Variants in CD58 observed in about 807,000 individuals in gnomAD.
CD58 encodes the protein lymphocyte function-associated antigen 3.
CD58 carries 14 observed loss-of-function variants against 27.6 expected under a neutral mutation model. The observed-to-expected ratio is 0.51, with a 90% CI of 0.34 to 0.79. The LOEUF (loss-of-function observed/expected upper bound fraction) is 0.79. Among genes scored for constraint, CD58 ranks in the 30% least tolerant of loss-of-function variants. The pLI, the probability that CD58 is intolerant of heterozygous loss-of-function variation, is 0.02. For missense variants in CD58, 268 were observed against 301.7 expected, an observed-to-expected ratio of 0.89 and a Z score of 0.83; for synonymous variants, 117 against 103.8, an observed-to-expected ratio of 1.13 and a Z score of -0.77.
At chr1:116,520,245 G>A (rs1276341601) in intron 4 of CD58, among the ~76,000 whole-genome samples, 1 of 152,086 alleles carries the variant, frequency 6.6e-6, no homozygotes, top group Non-Finnish European at 1.5e-5. Context: ...CTGAGTAGCT[G>A]GGACTACAGG....
chr1:116,562,971 G>C (rs1358201995), intron 1 of CD58, among the ~76,000 whole-genome samples: 1 of 152,098 alleles, frequency 6.6e-6, no homozygotes, highest in Non-Finnish European at 1.5e-5. Flanking sequence ...TAATCCAAAA[G>C]TCTAAATCCA....
intron 1 of CD58, among the ~76,000 whole-genome samples, chr1:116,566,093 C>G (rs1030074256): frequency 6.6e-6 from 1 of 152,140 alleles, no homozygotes; most frequent in Non-Finnish European, 1.5e-5. Context: ...GGAGTTATAT[C>G]TTGAAAAACT....
chr1:116,540,389 T>C (rs1374156660), intron 2 of CD58, among the ~76,000 whole-genome samples: 2 of 152,170 alleles, frequency 1.3e-5, no homozygotes, highest in Admixed American at 6.5e-5. Flanking sequence ...CATTTTATCA[T>C]GCAGATGTGA....
intron 3 of CD58, among the ~76,000 whole-genome samples, chr1:116,530,740 T>C (rs1301814739): frequency 6.6e-6 from 1 of 152,170 alleles, no homozygotes; most frequent in Non-Finnish European, 1.5e-5. Context: ...GTATCTATTA[T>C]GATGCATGTG....
At position 116,524,494 on chromosome 1, in the gene CD58, TA is replaced by T. The variant is rs1657369630; in HGVS notation, c.629-2512del. ...ATGCTGGCATTATGCTGAACCCTAT[TA>T]AGCTGCCAAGATTCAATGGTTTTTG... On this transcript the variant is annotated intron_variant, in intron 3 of 5. Transcript: ENST00000369489. The surrounding 1 kb of genome is among the most constrained non-coding windows in gnomAD (Gnocchi z 4.6). Among the ~76,000 whole-genome samples the T allele has an allele frequency of 6.6e-6, 1 of 152,234 alleles. No individual in the cohort carries two copies. Among genetic ancestry groups the T allele is most frequent in the Non-Finnish European group, 1.5e-5 (1 of 68,038 alleles).
Position 116,534,331 on chromosome 1 carries a change from T to C in CD58, c.628+1634A>G, listed in dbSNP as rs1221282161. On this transcript the variant is annotated intron_variant, in intron 3 of 5. Coordinates refer to ENST00000369489, the MANE Select transcript of CD58 (RefSeq NM_001779.3). This position sits in a 1 kb window ranked among gnomAD's most constrained non-coding sequence, Gnocchi z 5.3. ...ACCCCACAGATGCTCACGATGACCATCGCCCTACGGAAAAACTCAAATTCC... is the reference window on the plus strand; with the variant it reads ...ACCCCACAGATGCTCACGATGACCACCGCCCTACGGAAAAACTCAAATTCC... 6.6e-6 allele frequency among the ~76,000 whole-genome samples: 1 copy of C among 152,322 alleles called. No homozygotes were observed. The highest frequency in any genetic ancestry group is 1.9e-4 in the East Asian group (1 of 5,186).
intron 2 of CD58, among the ~76,000 whole-genome samples, chr1:116,543,959 G>A (rs1049886187): frequency 7.2e-5 from 11 of 152,106 alleles, no homozygotes; most frequent in African/African-American, 2.7e-4. Context: ...TGGTGCAGGA[G>A]GAAAAACAAT....
At chr1:116,525,782 G>A (rs1371723345) in intron 3 of CD58, among the ~76,000 whole-genome samples, 1 of 152,156 alleles carries the variant, frequency 6.6e-6, no homozygotes, top group Non-Finnish European at 1.5e-5. Flanking sequence ...GTTGCCTGTT[G>A]ACATAGGACA....
At position 116,518,923 on chromosome 1, in the gene CD58, C is replaced by T. The variant is rs1657170128; in HGVS notation, c.743+308G>A. ...ATCCCAGCCCATCACTTACTAGCAACGTGACTTTGATATCTCACTTGACTT... is the reference window on the plus strand; with the variant it reads ...ATCCCAGCCCATCACTTACTAGCAATGTGACTTTGATATCTCACTTGACTT... On this transcript the variant is annotated intron_variant, in intron 5 of 5. Transcript: ENST00000369489. The T allele has an allele frequency of 6.8e-6, 7 of 1,033,980 alleles. No homozygotes were observed. The South Asian group carries it at 7.2e-5, about 11-fold the overall frequency. The allele number at this position is 1,033,980 out of a possible 1,614,324, so 64.1% of individuals were successfully genotyped here.
chr1:116,518,760 T>C (rs1657163459), intron 5 of CD58: 2 of 996,216 alleles, frequency 2.0e-6, no homozygotes, highest in East Asian at 1.1e-4. Context: ...CTTTTATATG[T>C]GACTACAGGC....
rs1203584234 is a variant in CD58, at chr1:116,532,837, G to A, written c.628+3128C>T. On this transcript the variant is annotated intron_variant, in intron 3 of 5. Transcript: ENST00000369489. This position sits in a 1 kb window ranked among gnomAD's most constrained non-coding sequence, Gnocchi z 5.1. ...TTGAAAACGATTAGATGGAGTAAGC[G>A]CTGTCGACGGGATTGTGCCGCATGC... is the stretch of plus-strand genomic sequence containing the variant. 5 of 586,042 alleles carry A rather than the reference G, an allele frequency of 8.5e-6. No individual in the cohort carries two copies. Among genetic ancestry groups the A allele is most frequent in the Non-Finnish European group, 1.5e-5 (5 of 326,144 alleles). The allele number at this position is 586,042 out of a possible 1,614,324, so 36.3% of individuals were successfully genotyped here.
intron 1 of CD58, among the ~76,000 whole-genome samples, chr1:116,561,487 G>A (rs1485833506): frequency 1.3e-5 from 2 of 152,154 alleles, no homozygotes; most frequent in Admixed American, 1.3e-4. Flanking sequence ...TAATAAATAT[G>A]TCAATAAATT....
chr1:116,553,623 T>C (rs1327214173), intron 1 of CD58, among the ~76,000 whole-genome samples: 1 of 152,170 alleles, frequency 6.6e-6, no homozygotes, highest in African/African-American at 2.4e-5. Flanking sequence ...TGGAACATCA[T>C]GCTTTCAGTT....
Position 116,532,497 on chromosome 1 carries a change from G to A in CD58, c.628+3468C>T, listed in dbSNP as rs534255524. Among the ~76,000 whole-genome samples the A allele has an allele frequency of 1.7e-3, 255 of 152,344 alleles. No individual in the cohort carries two copies. Among genetic ancestry groups the A allele is most frequent in the African/African-American group, 5.9e-3 (246 of 41,584 alleles). The stretch of plus-strand genomic sequence containing the variant: ...CAGATTAAGCAGCTGAAAACAGCGA[G>A]TGGGTTTCTTCAAATGAAAGGAAAG... On this transcript the variant is annotated intron_variant, in intron 3 of 5. Transcript: ENST00000369489. This position sits in a 1 kb window ranked among gnomAD's most constrained non-coding sequence, Gnocchi z 5.1.
chr1:116,560,636 C>T (rs186785724), intron 1 of CD58, among the ~76,000 whole-genome samples: 44 of 152,202 alleles, frequency 2.9e-4, no homozygotes, highest in East Asian at 7.7e-4. Flanking sequence ...ACTGGTCAGC[C>T]CAGTGGAAAT....
rs1657993269 is a variant in CD58 at position 116,541,668 on chromosome 1, A to C, written c.364+2643T>G. 6.6e-6 allele frequency among the ~76,000 whole-genome samples: 1 copy of C among 152,186 alleles called. No individual in the cohort carries two copies. Among genetic ancestry groups the C allele is most frequent in the Non-Finnish European group, 1.5e-5 (1 of 68,032 alleles). On this transcript the variant is annotated intron_variant, in intron 2 of 5. Coordinates refer to ENST00000369489, the MANE Select transcript of CD58 (RefSeq NM_001779.3). The surrounding 1 kb of genome is among the most constrained non-coding windows in gnomAD (Gnocchi z 5.3). ...GGGAGGAGCAGCAGGTTTTAAGGGG[A>C]AGATAATGAGCTTACTTTTGGACTT...
rs1657456909 is a variant in CD58 at position 116,527,156 on chromosome 1, A to G, written c.629-5173T>C. Among the ~76,000 whole-genome samples, 1 of 152,164 alleles carries G rather than the reference A, an allele frequency of 6.6e-6. No individual in the cohort carries two copies. Among genetic ancestry groups the G allele is most frequent in the Admixed American group, 6.5e-5 (1 of 15,274 alleles). ...ATTTTCTTTCTTTCTTCTCATCTGT[A>G]TAACTTTTATTTCCTTTTCTTGTCT... On this transcript the variant is annotated intron_variant, in intron 3 of 5. Coordinates refer to ENST00000369489, the MANE Select transcript of CD58 (RefSeq NM_001779.3). This position sits in a 1 kb window ranked among gnomAD's most constrained non-coding sequence, Gnocchi z 4.4.
At chr1:116,537,419 C>T (rs1466785211) in intron 2 of CD58, among the ~76,000 whole-genome samples, 1 of 152,146 alleles carries the variant, frequency 6.6e-6, no homozygotes, top group Non-Finnish European at 1.5e-5. Context: ...TGACTCAAAG[C>T]ATTTTGTGAA....
At chr1:116,555,132 A>G (rs1000336738) in intron 1 of CD58, among the ~76,000 whole-genome samples, 6 of 152,080 alleles carry the variant, frequency 3.9e-5, no homozygotes, top group African/African-American at 1.4e-4. Context: ...CAGAAAAGGG[A>G]CTGTAGGGAC....
Sources: allele counts gnomAD v4.1 joint callset (sites outside exome capture counted in the v4.1 genomes callset), GRCh38; gene constraint gnomAD v4.1.1; non-coding constraint Gnocchi (gnomAD v3.1); transcripts MANE v1.5; gene names NCBI Gene and HGNC (gene_info 2026-07-23, HGNC 2026-07-21).